Variants in SUGCT observed in about 807,000 individuals in gnomAD.
The protein encoded by SUGCT is succinyl-CoA:glutarate CoA-transferase.
In SUGCT, 41 loss-of-function variants were observed where a neutral mutation model predicts 55.0. That is an observed-to-expected ratio of 0.74 (90% CI 0.58 to 0.97). The LOEUF is 0.97. Among genes scored for constraint, SUGCT ranks in the 50% least tolerant of loss-of-function variants. The pLI is 0.00. For missense variants in SUGCT, 568 were observed against 547.8 expected (o/e 1.04, Z -0.37); for synonymous variants, 187 against 200.4 (o/e 0.93, Z 0.56).
At chr7:40,634,145 A>G (rs943146472) in intron 12 of SUGCT, among the ~76,000 whole-genome samples, 29 of 152,178 alleles carry the variant, frequency 1.9e-4, no homozygotes, top group Non-Finnish European at 3.2e-4. Flanking sequence ...AGGAAAAAAA[A>G]CACTTAAAAA....
intron 12 of SUGCT, among the ~76,000 whole-genome samples, chr7:40,534,046 A>G (rs113352911): frequency 6.6e-6 from 1 of 152,200 alleles, no homozygotes; most frequent in African/African-American, 2.4e-5. Flanking sequence ...TGTGTGTGTT[A>G]ATGGCATAAG....
At chr7:40,627,651 G>A (rs1340017194) in intron 12 of SUGCT, among the ~76,000 whole-genome samples, 1 of 152,226 alleles carries the variant, frequency 6.6e-6, no homozygotes, top group Non-Finnish European at 1.5e-5. Flanking sequence ...CAACCAATCA[G>A]AGGTAGTTTC....
the SUGCT span, among the ~76,000 whole-genome samples, chr7:40,958,253 C>T: frequency 9.6e-3 from 1,460 of 152,068 alleles, 19 homozygotes; most frequent in African/African-American, 0.034. Context: ...TCCTGAAGCA[C>T]GTTTTCCAGC....
intron 13 of SUGCT, among the ~76,000 whole-genome samples, chr7:40,781,732 C>G (rs1789761252): frequency 1.3e-5 from 2 of 152,080 alleles, no homozygotes; most frequent in South Asian, 4.1e-4. Flanking sequence ...AAAAAATTGG[C>G]AAGTGTTTTC....
chr7:40,234,627 G>A (rs775857505), intron 6 of SUGCT, among the ~76,000 whole-genome samples: 26 of 152,068 alleles, frequency 1.7e-4, no homozygotes, highest in Admixed American at 1.6e-3. Context: ...ATGGTTTTAT[G>A]TGGCCGGGCG....
At chr7:40,574,827 G>A (rs761118444) in intron 12 of SUGCT, among the ~76,000 whole-genome samples, 2 of 152,128 alleles carry the variant, frequency 1.3e-5, no homozygotes, top group South Asian at 2.1e-4. Flanking sequence ...ACAAATAACC[G>A]TAGGACTTGC....
chr7:40,596,249 G>A (rs1277433665), intron 12 of SUGCT, among the ~76,000 whole-genome samples: 1 of 151,822 alleles, frequency 6.6e-6, no homozygotes, highest in Admixed American at 6.6e-5. Context: ...AGGATTCTTT[G>A]TATTTTAATA....
the SUGCT span, among the ~76,000 whole-genome samples, chr7:41,020,693 A>G: frequency 6.6e-6 from 1 of 152,238 alleles, no homozygotes; most frequent in Non-Finnish European, 1.5e-5. Context: ...TTCTATAGGA[A>G]GTAAAGAACT....
chr7:40,740,429 C>T (rs1206982564), intron 12 of SUGCT, among the ~76,000 whole-genome samples: 1 of 150,062 alleles, frequency 6.7e-6, no homozygotes, highest in African/African-American at 2.4e-5. Context: ...AATCTGTGTG[C>T]CTTTTATGTT....
chr7:40,827,049 G>C (rs1792350230), intron 13 of SUGCT, among the ~76,000 whole-genome samples: 1 of 151,870 alleles, frequency 6.6e-6, no homozygotes, highest in Non-Finnish European at 1.5e-5. Context: ...ATTTTTTTGT[G>C]GTATGCATAG....
downstream of SUGCT, among the ~76,000 whole-genome samples, chr7:40,863,503 A>G (rs145821901): frequency 1.9e-3 from 290 of 152,306 alleles, 2 homozygotes; most frequent in African/African-American, 6.8e-3. Context: ...ACTCCAGATA[A>G]TGGACCTAAA....
intron 13 of SUGCT, among the ~76,000 whole-genome samples, chr7:40,833,319 C>T (rs4332043): frequency 0.14 from 14,584 of 100,782 alleles, 757 homozygotes; most frequent in Middle Eastern, 0.25. Flanking sequence ...AAAGTTTTTT[C>T]CCTTTTTTTC....
At chr7:40,591,068 A>G (rs1797692285) in intron 12 of SUGCT, among the ~76,000 whole-genome samples, 1 of 152,194 alleles carries the variant, frequency 6.6e-6, no homozygotes, top group Non-Finnish European at 1.5e-5. Context: ...TATACATTTC[A>G]TAAGGTTGTG....
chr7:40,237,170 G>A (rs1370916233), intron 6 of SUGCT, among the ~76,000 whole-genome samples: 2 of 151,212 alleles, frequency 1.3e-5, no homozygotes, highest in East Asian at 2.0e-4. Context: ...TAGGCCAGGC[G>A]CGGTGGCTCA....
chr7:40,253,590 C>T (rs914110874), intron 7 of SUGCT, among the ~76,000 whole-genome samples: 2 of 151,450 alleles, frequency 1.3e-5, no homozygotes, highest in East Asian at 1.9e-4. Context: ...TGAGGCGGAG[C>T]CTCGCTCTGT....
chr7:40,513,118 G>A (rs941169291), intron 12 of SUGCT, among the ~76,000 whole-genome samples: 2 of 152,248 alleles, frequency 1.3e-5, no homozygotes, highest in East Asian at 1.9e-4. Flanking sequence ...TTAGAAGATA[G>A]CAGTCTTCAG....
chr7:40,622,528 G>GTTTTTTTTTTTTT (rs370877783), intron 12 of SUGCT, among the ~76,000 whole-genome samples: 6 of 81,826 alleles, frequency 7.3e-5, no homozygotes, highest in Non-Finnish European at 1.2e-4. Context: ...TGTTGTGGTT[G>GTTTTTTTTTTTTT]TTTTTTTTTT....
At chr7:40,526,206 T>C (rs894927755) in intron 12 of SUGCT, among the ~76,000 whole-genome samples, 3 of 152,326 alleles carry the variant, frequency 2.0e-5, no homozygotes, top group Non-Finnish European at 2.9e-5. Flanking sequence ...CATTGTTTTT[T>C]CTTTGTTAAT....
At chr7:41,012,759 G>A in the SUGCT span, among the ~76,000 whole-genome samples, 109 of 147,970 alleles carry the variant, frequency 7.4e-4, no homozygotes, top group African/African-American at 2.7e-3. Flanking sequence ...TTTATCCAGA[G>A]AAACTAAAAA....
Sources: allele counts gnomAD v4.1 joint callset (sites outside exome capture counted in the v4.1 genomes callset), GRCh38; gene constraint gnomAD v4.1.1; transcripts MANE v1.5; gene names NCBI Gene and HGNC (gene_info 2026-07-23, HGNC 2026-07-21).